Variants in RBM44 observed in about 807,000 individuals in gnomAD.
The protein encoded by RBM44 is RNA binding motif protein 44.
In RBM44, 66 loss-of-function variants were observed where a neutral mutation model predicts 105.1. That is an observed-to-expected ratio of 0.63 (90% CI 0.52 to 0.77). The LOEUF (loss-of-function observed/expected upper bound fraction) is 0.77. RBM44 is among the 30% of genes least tolerant of loss of function. The pLI, the probability that RBM44 is intolerant of heterozygous loss-of-function variation, is 0.00. For missense variants in RBM44, 1,122 were observed against 1,207.8 expected, an observed-to-expected ratio of 0.93 and a Z score of 1.05; for synonymous variants, 365 against 417.6, an observed-to-expected ratio of 0.87 and a Z score of 1.54.
In RBM44 at chr2:237,821,267, G is replaced by A. The variant is rs1001637201; in HGVS notation, c.2097+13G>A. 2 of 1,566,458 alleles carry A rather than the reference G, an allele frequency of 1.3e-6. No individual in the cohort carries two copies. Among genetic ancestry groups the A allele is most frequent in the Non-Finnish European group, 1.7e-6 (2 of 1,156,870 alleles). On this transcript the variant is annotated intron_variant, in intron 6 of 15. Transcript: ENST00000316997. ...TTTTGCTTCCAGGGTATGTATATAT[G>A]TTTTAGAAATAAAAAATTTTACTTC...
rs1464158329 is a variant in RBM44 at position 237,814,197 on chromosome 2, CAT to C, written c.73+518_73+519del. On this transcript the variant is annotated intron_variant, in intron 2 of 15. Coordinates refer to ENST00000316997, the MANE Select transcript of RBM44 (RefSeq NM_001080504.3). ...CAAAAACTCTACATTGTTCATGAGA[CAT>C]ATTTAAAACAGAAAAGAAAGGTTTA... Among the ~76,000 whole-genome samples, 4 of 152,070 alleles carry C rather than the reference CAT, an allele frequency of 2.6e-5. No individual in the cohort carries two copies. In the East Asian group the frequency reaches 7.7e-4, roughly 29 times the overall value.
At chr2:237,838,489 A>G (rs2061980575) in intron 15 of RBM44, among the ~76,000 whole-genome samples, 1 of 136,912 alleles carries the variant, frequency 7.3e-6, no homozygotes, top group Admixed American at 8.0e-5. Context: ...GGTCTCAATC[A>G]ATATTGACTG....
rs774611482 is a variant in RBM44 at position 237,834,350 on chromosome 2, T to C, written c.3105T>C (p.Thr1035=). ...GTTTTCTGAATGGCTTATCTATTAC[T>C]ACTATTGTGGAGATGACTTCATCTC... The part of the protein sequence containing the change: ...HKGFLNGLSI[T]TIVEMTSSLL... Residue 1035 remains threonine (T), a synonymous_variant, in exon 15 of 16, where the codon ACT becomes ACC. Transcript: ENST00000316997. 2.6e-6 allele frequency: 4 copies of C among 1,560,040 alleles called. No homozygotes were observed. In the Admixed American group the frequency reaches 7.7e-5, roughly 30 times the overall value.
intron 9 of RBM44, among the ~76,000 whole-genome samples, chr2:237,823,820 T>G (rs75626230): frequency 0.025 from 3,816 of 152,246 alleles, 65 homozygotes; most frequent in Middle Eastern, 0.088. Flanking sequence ...TTGTATCTAA[T>G]TTGTATCTCT....
At chr2:237,811,968 C>T (rs921921348) in intron 1 of RBM44, among the ~76,000 whole-genome samples, 1 of 152,176 alleles carries the variant, frequency 6.6e-6, no homozygotes, top group African/African-American at 2.4e-5. Context: ...AATTCTCGTG[C>T]CTCAGCCTCC....
chr2:237,813,580 T>C lies in RBM44; in HGVS notation c.-18-12T>C, dbSNP rs963748353. ...AAGTATAATAATAGTTCAATATTTA[T>C]ACCTTTTCTAGATTATATATCTTTG... On this transcript the variant is annotated splice_polypyrimidine_tract_variant and intron_variant, in intron 1 of 15. Transcript: ENST00000316997. The C allele has an allele frequency of 7.1e-7, 1 of 1,413,904 alleles. No homozygotes were observed. The highest frequency in any genetic ancestry group is 1.0e-6 in the Non-Finnish European group (1 of 1,002,514). The allele number at this position is 1,413,904 out of a possible 1,614,324, so 87.6% of individuals were successfully genotyped here.
intron 1 of RBM44, among the ~76,000 whole-genome samples, chr2:237,812,559 A>C (rs1357469118): frequency 6.6e-6 from 1 of 152,212 alleles, no homozygotes; most frequent in Non-Finnish European, 1.5e-5. Context: ...GAGACAGTAC[A>C]TTTAGATGAT....
intron 1 of RBM44, among the ~76,000 whole-genome samples, chr2:237,806,006 A>C (rs2061596050): frequency 6.6e-6 from 1 of 152,156 alleles, no homozygotes; most frequent in South Asian, 2.1e-4. Flanking sequence ...CAACAACAAC[A>C]AAAGAGTAAG....
At position 237,818,925 on chromosome 2, in the gene RBM44, T is replaced by A. The variant is rs2061752745; in HGVS notation, c.1702T>A (p.Cys568Ser). The A allele has an allele frequency of 1.3e-6, 2 of 1,486,140 alleles. No individual in the cohort carries two copies. Among genetic ancestry groups the A allele is most frequent in the Admixed American group, 2.0e-5 (1 of 49,590 alleles). 92.1% of individuals were successfully genotyped at this position (1,486,140 alleles called of 1,614,324 possible). A position where few individuals can be genotyped will look rare whatever the true frequency, so the allele number is the denominator to read the frequency against. ...NKDFLELRKA[C>S]GITDLKKHPE... The stretch of plus-strand genomic sequence containing the variant: ...GGATTTCCTGGAATTAAGAAAAGCA[T>A]GTGGTATCACAGACCTAAAGAAACA... The change falls in exon 4 of 16, where the codon TGT becomes AGT. Residue 568 changes from cysteine to serine, a missense_variant. By Grantham distance (112) the Cys-to-Ser change is moderately radical. Coordinates refer to ENST00000316997, the MANE Select transcript of RBM44 (RefSeq NM_001080504.3). This position sits in a 1 kb window ranked among gnomAD's most constrained non-coding sequence, Gnocchi z 4.6.
At chr2:237,838,089 G>A (rs2061977373) in intron 15 of RBM44, among the ~76,000 whole-genome samples, 1 of 152,174 alleles carries the variant, frequency 6.6e-6, no homozygotes, top group South Asian at 2.1e-4. Context: ...CTTATTTTAA[G>A]AAGTTGCCAC....
intron 7 of RBM44, 59 bp downstream of exon 7, chr2:237,821,427 G>A (rs1342729954): frequency 7.8e-7 from 1 of 1,274,450 alleles, no homozygotes; most frequent in African/African-American, 1.5e-5. Flanking sequence ...GCTTAATTCA[G>A]TTAACTTTAA....
At chr2:237,831,169 C>G (rs1276361717) in intron 13 of RBM44, among the ~76,000 whole-genome samples, 3 of 149,850 alleles carry the variant, frequency 2.0e-5, no homozygotes, top group Non-Finnish European at 4.4e-5. Flanking sequence ...AGGCACAGCC[C>G]TTCCTAATCC....
intron 15 of RBM44, among the ~76,000 whole-genome samples, chr2:237,835,916 C>T (rs1308906998): frequency 6.6e-6 from 1 of 152,162 alleles, no homozygotes; most frequent in Non-Finnish European, 1.5e-5. Flanking sequence ...AAGAAGTCGT[C>T]TTTCTAACAA....
chr2:237,809,411 A>C (rs1224671335), intron 1 of RBM44, among the ~76,000 whole-genome samples: 1 of 152,068 alleles, frequency 6.6e-6, no homozygotes, highest in African/African-American at 2.4e-5. Flanking sequence ...TACAGCAAAA[A>C]ATTTGAATGA....
chr2:237,816,567 A>G (rs1256148306), intron 2 of RBM44, among the ~76,000 whole-genome samples: 1 of 152,114 alleles, frequency 6.6e-6, no homozygotes, highest in African/African-American at 2.4e-5. Flanking sequence ...ATTTTCTCAT[A>G]GTTTTGGAGG....
In RBM44 at chr2:237,817,553, T is replaced by C. The variant is rs2150977464; in HGVS notation, c.634T>C (p.Ser212Pro). ...SFDQTKALDI[S>P]NPEVVELGNS... ...TGACCAAACAAAAGCATTAGATATA[T>C]CTAATCCAGAAGTTGTTGAATTAGG... Residue 212 changes from serine (S) to proline (P), a missense_variant, in exon 3 of 16, where the codon TCT (serine) becomes CCT (proline). Transcript: ENST00000316997. The C allele has an allele frequency of 2.5e-6, 4 of 1,612,068 alleles. No homozygotes were observed. Among genetic ancestry groups the C allele is most frequent in the East Asian group, 2.2e-5 (1 of 44,774 alleles).
In RBM44 at chr2:237,818,280, T is replaced by G. The variant is rs2061743809; in HGVS notation, c.1361T>G (p.Leu454Trp). 3.7e-6 allele frequency: 6 copies of G among 1,613,232 alleles called. 1 individual carries two copies. The South Asian group carries it at 6.6e-5, about 18-fold the overall frequency. ...HNIGEMCTKSLTDAASCTVTI... is the reference protein window; with the variant it reads ...HNIGEMCTKSWTDAASCTVTI... ...ATAGGAGAAATGTGTACTAAATCAT[T>G]GACAGATGCAGCAAGTTGTACAGTC... is the stretch of plus-strand genomic sequence containing the variant. The change falls in exon 3 of 16, where the codon TTG (leucine) becomes TGG (tryptophan). Residue 454 changes from leucine to tryptophan, a missense_variant. This residue lies in a region of RBM44 where 918 missense variants were observed against 955.3 expected (regional missense o/e 0.96). Transcript: ENST00000316997. This position sits in a 1 kb window ranked among gnomAD's most constrained non-coding sequence, Gnocchi z 4.6.
At chr2:237,819,896 C>A (rs368451066) in intron 4 of RBM44, among the ~76,000 whole-genome samples, 17 of 151,858 alleles carry the variant, frequency 1.1e-4, no homozygotes, top group African/African-American at 4.1e-4. Flanking sequence ...AAGCAATTCT[C>A]CAGAATAAAC....
intron 15 of RBM44, among the ~76,000 whole-genome samples, chr2:237,839,157 T>C (rs1265261469): frequency 1.3e-5 from 2 of 152,218 alleles, no homozygotes; most frequent in African/African-American, 4.8e-5. Context: ...GCCTGCTACT[T>C]TAACCCTTTT....
Sources: gnomAD v4.1 joint callset for allele counts (sites outside exome capture counted in the v4.1 genomes callset) on GRCh38, gnomAD v4.1.1 for gene constraint, gnomAD v4.1.1 regional missense constraint, Gnocchi (gnomAD v3.1) non-coding constraint, MANE v1.5 for transcripts, NCBI Gene and HGNC (gene_info 2026-07-23, HGNC 2026-07-21) for gene names.